The following RXRG variants were observed in gnomAD, a reference collection of about 807,000 sequenced individuals.
The protein encoded by RXRG is retinoid X receptor gamma.
In RXRG, 19 loss-of-function variants were observed where a neutral mutation model predicts 49.2. That is an observed-to-expected ratio of 0.39 (90% CI 0.27 to 0.57). The LOEUF (loss-of-function observed/expected upper bound fraction) is 0.57. RXRG is among the 20% of genes least tolerant of loss of function. RXRG has a pLI of 0.64. For missense variants in RXRG, 452 were observed against 592.5 expected (o/e 0.76, Z 2.46); for synonymous variants, 224 against 216.6 (o/e 1.03, Z -0.30).
At chr1:165,423,060 C>T (rs1658372523) in intron 2 of RXRG, among the ~76,000 whole-genome samples, 1 of 152,226 alleles carries the variant, frequency 6.6e-6, no homozygotes, top group African/African-American at 2.4e-5. Flanking sequence ...CTCCAACACT[C>T]CTCCTCTTCA....
chr1:165,433,391 C>T lies in RXRG; in HGVS notation c.50-4425G>A, dbSNP rs139357641. Among the ~76,000 whole-genome samples, 154 of 152,294 alleles carry T rather than the reference C, an allele frequency of 1.0e-3. 1 individual carries two copies. The East Asian group carries it at 0.013, about 13-fold the overall frequency. ...CACTCTGTGGCATGACCCCTGGCCC[C>T]GCCATCTCATCAACCTTGCTCCCTG... On this transcript the variant is annotated intron_variant, in intron 1 of 9. Transcript: ENST00000359842.
At chr1:165,441,238 C>T (rs994692095) in intron 1 of RXRG, among the ~76,000 whole-genome samples, 8 of 152,240 alleles carry the variant, frequency 5.3e-5, no homozygotes, top group Non-Finnish European at 1.2e-4. Flanking sequence ...CACCGTTGCT[C>T]TTAACCTATC....
intron 1 of RXRG, among the ~76,000 whole-genome samples, chr1:165,438,744 C>G (rs1658891156): frequency 6.6e-6 from 1 of 152,118 alleles, no homozygotes. Flanking sequence ...AGTCTGATTT[C>G]TAAACAAAAA....
At chr1:165,436,655 T>C (rs552444489) in intron 1 of RXRG, among the ~76,000 whole-genome samples, 10 of 152,140 alleles carry the variant, frequency 6.6e-5, no homozygotes, top group South Asian at 2.1e-4. Context: ...GGGCAGGCAC[T>C]CATGAGGTCA....
intron 1 of RXRG, among the ~76,000 whole-genome samples, chr1:165,441,978 A>C (rs971963471): frequency 6.6e-6 from 1 of 152,228 alleles, no homozygotes; most frequent in African/African-American, 2.4e-5. Flanking sequence ...TGATGCTCTG[A>C]CATCTGGTAA....
intron 4 of RXRG, among the ~76,000 whole-genome samples, chr1:165,414,951 G>T (rs1409464350): frequency 1.3e-5 from 2 of 152,150 alleles, no homozygotes; most frequent in Non-Finnish European, 2.9e-5. Flanking sequence ...TTATTAAATG[G>T]CTACAATGTA....
Position 165,401,110 on chromosome 1 carries a change from G to T in RXRG, c.*153C>A, listed in dbSNP as rs1657549613. The T allele has an allele frequency of 4.6e-6, 3 of 652,304 alleles. No individual in the cohort carries two copies. The highest frequency in any genetic ancestry group is 6.0e-5 in the Admixed American group (2 of 33,570). The allele number at this position is 652,304 out of a possible 1,614,324, so 40.4% of individuals were successfully genotyped here. ...TCTATACAAAAGTCCACCTATAAAA[G>T]TCTCATGTGTAGAAAGGTTTTCTTT... On this transcript the variant is annotated 3_prime_UTR_variant, in exon 10 of 10. Transcript: ENST00000359842.
chr1:165,426,292 A>C lies in RXRG; in HGVS notation c.297+2427T>G, dbSNP rs2101731982. 1.3e-5 allele frequency among the ~76,000 whole-genome samples: 2 copies of C among 152,362 alleles called. 1 individual carries two copies. Among genetic ancestry groups the C allele is most frequent in the South Asian group, 4.1e-4 (2 of 4,828 alleles). The stretch of plus-strand genomic sequence containing the variant: ...CTGGCCAAATTATACCCAGTAAAGT[A>C]GTTTATTTGGCCTGAGGAATGCTTT... On this transcript the variant is annotated intron_variant, in intron 2 of 9. Coordinates refer to ENST00000359842, the MANE Select transcript of RXRG (RefSeq NM_006917.5).
intron 1 of RXRG, among the ~76,000 whole-genome samples, chr1:165,443,423 A>G (rs562491977): frequency 6.6e-6 from 1 of 152,350 alleles, no homozygotes; most frequent in East Asian, 1.9e-4. Flanking sequence ...ACTAGAGATC[A>G]AATGCCCAGG....
chr1:165,429,356 G>A (rs937039421), intron 1 of RXRG, among the ~76,000 whole-genome samples: 2 of 152,206 alleles, frequency 1.3e-5, no homozygotes, highest in Non-Finnish European at 2.9e-5. Context: ...AGAGTGAGTA[G>A]GTTCCCAGGC....
At chr1:165,402,089 ATT>A (rs56686789) in intron 9 of RXRG, among the ~76,000 whole-genome samples, 3 of 148,056 alleles carry the variant, frequency 2.0e-5, no homozygotes, top group African/African-American at 7.4e-5. Flanking sequence ...ATTGTTACCA[ATT>A]TTTTTTTTTT....
chr1:165,429,506 C>T (rs1016739575), intron 1 of RXRG, among the ~76,000 whole-genome samples: 2 of 152,174 alleles, frequency 1.3e-5, no homozygotes, highest in Non-Finnish European at 2.9e-5. Context: ...CAGTCGCTGA[C>T]ATCAGGAGTC....
At chr1:165,432,909 G>C (rs157882) in intron 1 of RXRG, among the ~76,000 whole-genome samples, 151,545 of 152,336 alleles carry the variant, frequency 0.99, 75,390 homozygotes, top group East Asian at 1. Context: ...GATTTGAATG[G>C]GTGTGTCCCT....
intron 9 of RXRG, among the ~76,000 whole-genome samples, chr1:165,404,242 G>C (rs1041483224): frequency 6.6e-6 from 1 of 152,178 alleles, no homozygotes; most frequent in Non-Finnish European, 1.5e-5. Context: ...CTTGATCAGG[G>C]CAGTCAGCCT....
intron 4 of RXRG, among the ~76,000 whole-genome samples, chr1:165,414,508 T>C (rs895558646): frequency 3.9e-5 from 6 of 152,252 alleles, no homozygotes; most frequent in Non-Finnish European, 8.8e-5. Flanking sequence ...ATGGTTTCTC[T>C]GACTGAGACC....
intron 1 of RXRG, 42 bp downstream of exon 1, chr1:165,444,803 C>G (rs778142303): frequency 1.3e-5 from 21 of 1,570,564 alleles, no homozygotes; most frequent in African/African-American, 6.8e-5. Flanking sequence ...TTCTCAGTCT[C>G]TCATACAGGT....
intron 9 of RXRG, among the ~76,000 whole-genome samples, chr1:165,406,137 T>G (rs907414221): frequency 6.9e-6 from 1 of 145,186 alleles, no homozygotes; most frequent in Non-Finnish European, 1.5e-5. Flanking sequence ...TGGAAGAAAG[T>G]TTTGAGAATA....
At chr1:165,406,650 G>A (rs535358565) in intron 9 of RXRG, among the ~76,000 whole-genome samples, 162 bp downstream of exon 9, 7 of 152,310 alleles carry the variant, frequency 4.6e-5, no homozygotes, top group East Asian at 1.9e-4. Context: ...AGATAAGGCC[G>A]CTAGCCCAAT....
chr1:165,420,176 G>A (rs1658265159), intron 2 of RXRG, among the ~76,000 whole-genome samples, 162 bp from the exon 3 acceptor site: 1 of 152,182 alleles, frequency 6.6e-6, no homozygotes, highest in Non-Finnish European at 1.5e-5. Flanking sequence ...TGAACTTAAG[G>A]GAGGGATAAA....
Sources: allele counts gnomAD v4.1 joint callset (sites outside exome capture counted in the v4.1 genomes callset), GRCh38; gene constraint gnomAD v4.1.1; transcripts MANE v1.5; gene names NCBI Gene and HGNC (gene_info 2026-07-23, HGNC 2026-07-21).